BIRC6: variants seen among roughly 807,000 people sequenced by gnomAD.
BIRC6 encodes the protein baculoviral IAP repeat containing 6.
Under a neutral mutation model 503.3 loss-of-function variants are expected in BIRC6, and 98 were observed. The ratio of observed to expected loss-of-function variants is 0.19; its 90% CI spans 0.17 to 0.23. BIRC6 has a LOEUF of 0.23. Ranked by LOEUF, BIRC6 falls within the 10% of genes least tolerant of loss-of-function variation. The pLI, the probability that BIRC6 is intolerant of heterozygous loss-of-function variation, is 1.00. For synonymous variants in BIRC6, 2,240 were observed against 2,078.7 expected (o/e 1.08, Z -2.11); for missense variants, 5,360 against 5,806.0 (o/e 0.92, Z 2.50).
chr2:32,450,565 GT>G (rs1295722055), intron 22 of BIRC6, among the ~76,000 whole-genome samples: 6 of 152,120 alleles, frequency 3.9e-5, no homozygotes, highest in Admixed American at 1.3e-4. Context: ...AATGGCATCA[GT>G]GGCACAAGAC....
At chr2:32,446,605 T>G (rs537301495) in intron 21 of BIRC6, among the ~76,000 whole-genome samples, 3 of 152,202 alleles carry the variant, frequency 2.0e-5, no homozygotes, top group African/African-American at 7.2e-5. Flanking sequence ...TCTTAGTACC[T>G]TAGTTGCCAG....
At position 32,515,448 on chromosome 2, in the gene BIRC6, T is replaced by C; in HGVS notation, c.11027T>C (p.Met3676Thr). The part of the protein sequence containing the change: ...RHHVPQQCNK[M>T]PITADLVAPI... ...CATGTCCCACAACAATGTAATAAGATGCCTATCACAGCCGACCTAGTTGCT... is the reference window on the plus strand; with the variant it reads ...CATGTCCCACAACAATGTAATAAGACGCCTATCACAGCCGACCTAGTTGCT... The change falls in exon 55 of 74, where the codon ATG (methionine) becomes ACG (threonine). Residue 3676 changes from methionine to threonine, a missense_variant. This residue lies in a region of BIRC6 where 878 missense variants were observed against 928.9 expected (regional missense o/e 0.95). Coordinates refer to ENST00000421745, the MANE Select transcript of BIRC6 (RefSeq NM_016252.4). 6.2e-7 allele frequency: 1 copy of C among 1,613,290 alleles called. No homozygotes were observed. The highest frequency in any genetic ancestry group is 2.2e-5 in the East Asian group (1 of 44,866).
chr2:32,542,225 C>G (rs2057718018), intron 61 of BIRC6, among the ~76,000 whole-genome samples: 1 of 151,950 alleles, frequency 6.6e-6, no homozygotes, highest in Admixed American at 6.6e-5. Flanking sequence ...ATATATATCT[C>G]CCATATTGTC....
chr2:32,560,819 T>G (rs555479315), intron 65 of BIRC6, among the ~76,000 whole-genome samples: 1 of 152,004 alleles, frequency 6.6e-6, no homozygotes, highest in Non-Finnish European at 1.5e-5. Context: ...TCCTCTTGTC[T>G]CAGCCTCCTG....
chr2:32,548,122 CT>C, intron 64 of BIRC6, 108 bp downstream of exon 64: 4 of 953,818 alleles, frequency 4.2e-6, no homozygotes, highest in Non-Finnish European at 5.9e-6. Flanking sequence ...TTTATGCCCA[CT>C]TGTGGTCCTT....
At chr2:32,556,459 A>G (rs1026124149) in intron 65 of BIRC6, among the ~76,000 whole-genome samples, 1 of 152,200 alleles carries the variant, frequency 6.6e-6, no homozygotes, top group Non-Finnish European at 1.5e-5. Context: ...ACTGTAGTCC[A>G]GCTATTAAGA....
At chr2:32,479,314 G>A (rs903957793) in intron 36 of BIRC6, 148 bp from the exon 37 acceptor site, 8 of 688,084 alleles carry the variant, frequency 1.2e-5, no homozygotes, top group Admixed American at 8.6e-5. Flanking sequence ...CATTCCTTAC[G>A]GGGGTGGGAA....
At position 32,436,217 on chromosome 2, in the gene BIRC6, A is replaced by G. The variant is rs764381222; in HGVS notation, c.3631+33A>G. 2.2e-6 allele frequency: 3 copies of G among 1,371,582 alleles called. No individual in the cohort carries two copies. The Admixed American group carries it at 8.6e-5, about 40-fold the overall frequency. The allele number at this position is 1,371,582 out of a possible 1,614,324, so 85.0% of individuals were successfully genotyped here. On this transcript the variant is annotated intron_variant, in intron 15 of 73. Coordinates refer to ENST00000421745, the MANE Select transcript of BIRC6 (RefSeq NM_016252.4). ...AATACATTTTACAAAAGCAGAATTA[A>G]TAATACCACAGTTGTAAAAAAGACG... is the stretch of plus-strand genomic sequence containing the variant.
rs76031759 is a variant in BIRC6, at chr2:32,405,685, C to T, written c.1419-814C>T. ...CTATATGTAAAGGAGTTCTTAGCCT[C>T]TCCAAAACAAAATACAGAACAAAAA... On this transcript the variant is annotated intron_variant, in intron 8 of 73. Coordinates refer to ENST00000421745, the MANE Select transcript of BIRC6 (RefSeq NM_016252.4). Among the ~76,000 whole-genome samples the T allele has an allele frequency of 6.9e-3, 1,054 of 152,258 alleles. 13 individuals carry two copies. The highest frequency in any genetic ancestry group is 0.023 in the African/African-American group (976 of 41,554).
At chr2:32,485,588 A>G in intron 39 of BIRC6, 55 bp from the exon 40 acceptor site, 1 of 1,153,740 alleles carries the variant, frequency 8.7e-7, no homozygotes. Context: ...TGTAGGAGGT[A>G]GGACATGAGT....
chr2:32,501,960 C>A, intron 47 of BIRC6, 72 bp downstream of exon 47: 1 of 1,359,534 alleles, frequency 7.4e-7, no homozygotes, highest in Non-Finnish European at 1.0e-6. Flanking sequence ...AATTACAGGA[C>A]AAAGATAAAT....
chr2:32,376,456 G>T (rs1249118310), intron 1 of BIRC6, among the ~76,000 whole-genome samples: 2 of 152,096 alleles, frequency 1.3e-5, no homozygotes, highest in African/African-American at 2.4e-5. Context: ...TACTATTTGT[G>T]TGCGTAAGTT....
intron 70 of BIRC6, among the ~76,000 whole-genome samples, chr2:32,600,574 A>C (rs112488026): frequency 1.3e-5 from 2 of 152,222 alleles, no homozygotes; most frequent in African/African-American, 2.4e-5. Flanking sequence ...GGTTTTCTGT[A>C]GCTGAGTAGG....
In BIRC6 at chr2:32,487,725, T is replaced by C; in HGVS notation, c.7892T>C (p.Ile2631Thr). Reference sequence around the variant, plus strand: ...GCAAACCAAACCAGCCAGCTTATTATACAGTTATCATCTGTCCCAATGTTA... The same window carrying C: ...GCAAACCAAACCAGCCAGCTTATTACACAGTTATCATCTGTCCCAATGTTA... ...QAANQTSQLI[I>T]QLSSVPMLNV... is the part of the protein sequence containing the mutation. The change falls in exon 41 of 74, where the codon ATA becomes ACA. Residue 2631 changes from isoleucine to threonine, a missense_variant. By Grantham distance (89) the Ile-to-Thr change is moderately conservative. Around this residue, in one of 16 missense-constraint regions of BIRC6, gnomAD observed 2,299 missense variants for 2,267.2 expected, o/e 1.01. Coordinates refer to ENST00000421745, the MANE Select transcript of BIRC6 (RefSeq NM_016252.4). The C allele has an allele frequency of 1.2e-6, 2 of 1,613,596 alleles. No homozygotes were observed. Among genetic ancestry groups the C allele is most frequent in the Non-Finnish European group, 1.7e-6 (2 of 1,179,572 alleles).
chr2:32,472,098 G>A (rs549930430), intron 32 of BIRC6, among the ~76,000 whole-genome samples: 207 of 152,264 alleles, frequency 1.4e-3, no homozygotes, highest in African/African-American at 4.8e-3. Context: ...GTCTTGTCTC[G>A]TTCTGTGGCC....
At chr2:32,476,456 C>A in intron 34 of BIRC6, 112 bp downstream of exon 34, 3 of 1,178,054 alleles carry the variant, frequency 2.5e-6, no homozygotes, top group Non-Finnish European at 3.4e-6. Context: ...GAGAAGCCAA[C>A]CTACTCTGGA....
At chr2:32,396,826 C>T (rs1344096876) in intron 6 of BIRC6, among the ~76,000 whole-genome samples, 2 of 151,930 alleles carry the variant, frequency 1.3e-5, no homozygotes, top group Admixed American at 6.6e-5. Flanking sequence ...CGGGTTCAGG[C>T]GATTCTCCTG....
intron 50 of BIRC6, among the ~76,000 whole-genome samples, 194 bp from the exon 51 acceptor site, chr2:32,507,786 T>G (rs1162459418): frequency 6.6e-6 from 1 of 152,154 alleles, no homozygotes; most frequent in African/African-American, 2.4e-5. Context: ...GATCAAATAT[T>G]TTGTGTTGAA....
chr2:32,485,850 T>C, intron 40 of BIRC6, 91 bp downstream of exon 40: 1 of 845,860 alleles, frequency 1.2e-6, no homozygotes, highest in Non-Finnish European at 1.9e-6. Context: ...GATTTTTAAA[T>C]TCCATGATGT....
Sources: gnomAD v4.1 joint callset for allele counts (sites outside exome capture counted in the v4.1 genomes callset) on GRCh38, gnomAD v4.1.1 for gene constraint, gnomAD v4.1.1 regional missense constraint, MANE v1.5 for transcripts, NCBI Gene and HGNC (gene_info 2026-07-23, HGNC 2026-07-21) for gene names.